RASA3: variants seen among roughly 807,000 people sequenced by gnomAD.
The protein encoded by RASA3 is ras GTPase-activating protein 3.
Under a neutral mutation model 110.0 loss-of-function variants are expected in RASA3, and 73 were observed. The ratio of observed to expected loss-of-function variants is 0.66; its 90% CI spans 0.55 to 0.81. RASA3 has a LOEUF of 0.81. Ranked by LOEUF, RASA3 falls within the 30% of genes least tolerant of loss-of-function variation. The pLI is 0.00. For synonymous variants in RASA3, 500 were observed against 451.4 expected (o/e 1.11, Z -1.37); for missense variants, 976 against 1,113.2 (o/e 0.88, Z 1.75).
At chr13:114,010,662 CG>C (rs2053613207) in intron 16 of RASA3, among the ~76,000 whole-genome samples, 4 of 24,232 alleles carry the variant, frequency 1.7e-4, no homozygotes, top group Admixed American at 6.5e-4. Context: ...GGGGAGGAGG[CG>C]GCTGCGTGGG....
At chr13:114,092,252 C>T (rs1268221919) in intron 1 of RASA3, among the ~76,000 whole-genome samples, 1 of 152,082 alleles carries the variant, frequency 6.6e-6, no homozygotes, top group Non-Finnish European at 1.5e-5. Flanking sequence ...TGGTGCATCA[C>T]TAGGTTGTTT....
At chr13:114,071,460 C>A (rs1478988044) in intron 2 of RASA3, among the ~76,000 whole-genome samples, 1 of 152,176 alleles carries the variant, frequency 6.6e-6, no homozygotes, top group South Asian at 2.1e-4. Flanking sequence ...TCCAGGCCCA[C>A]AATCCATAGG....
In RASA3 at chr13:114,115,801, G is replaced by A. The variant is rs1320188827; in HGVS notation, c.55+16634C>T. Among the ~76,000 whole-genome samples, 1 of 152,234 alleles carries A rather than the reference G, an allele frequency of 6.6e-6. No individual in the cohort carries two copies. Among genetic ancestry groups the A allele is most frequent in the Non-Finnish European group, 1.5e-5 (1 of 68,040 alleles). ...AGCCCCCACGCCTTCTCAGTCTCCT[G>A]TAACGACGTTGCTACAGATGTATGT... On this transcript the variant is annotated intron_variant, in intron 1 of 23. Coordinates refer to ENST00000334062, the MANE Select transcript of RASA3 (RefSeq NM_007368.4). This position sits in a 1 kb window ranked among gnomAD's most constrained non-coding sequence, Gnocchi z 5.0.
intron 2 of RASA3, 29 bp from the exon 3 acceptor site, chr13:114,052,184 G>T (rs9525355): frequency 0.17 from 259,178 of 1,515,236 alleles, 24,685 homozygotes; most frequent in Middle Eastern, 0.2. Flanking sequence ...GCGCCAGTTA[G>T]AACACAGGCC....
chr13:114,101,725 G>C (rs1427014442), intron 1 of RASA3, among the ~76,000 whole-genome samples: 1 of 152,224 alleles, frequency 6.6e-6, no homozygotes, highest in African/African-American at 2.4e-5. Context: ...CAGTGTCTAA[G>C]TGTCTCCCTT....
Position 114,065,645 on chromosome 13 carries a change from C to T in RASA3, c.173+8075G>A, listed in dbSNP as rs546789908. 1.3e-5 allele frequency among the ~76,000 whole-genome samples: 2 copies of T among 152,270 alleles called. No homozygotes were observed. The highest frequency in any genetic ancestry group is 1.9e-4 in the East Asian group (1 of 5,180). On this transcript the variant is annotated intron_variant, in intron 2 of 23. Coordinates refer to ENST00000334062, the MANE Select transcript of RASA3 (RefSeq NM_007368.4). The surrounding 1 kb of genome is among the most constrained non-coding windows in gnomAD (Gnocchi z 4.1). ...CCACACAGCCCTGGCTCCCACAGAC[C>T]GCAGGCTGGAGAATGGGGGTCCGCG...
At chr13:114,074,206 C>A (rs986470254) in intron 1 of RASA3, among the ~76,000 whole-genome samples, 1 of 152,228 alleles carries the variant, frequency 6.6e-6, no homozygotes, top group Non-Finnish European at 1.5e-5. Flanking sequence ...AGTTGTGCAA[C>A]CATCACCACC....
At chr13:114,064,056 CA>C (rs2079405298) in intron 2 of RASA3, among the ~76,000 whole-genome samples, 1 of 152,154 alleles carries the variant, frequency 6.6e-6, no homozygotes, top group African/African-American at 2.4e-5. Context: ...ACTTAAAAGA[CA>C]TATTATTTCA....
At chr13:114,034,628 G>A (rs187921652) in intron 4 of RASA3, among the ~76,000 whole-genome samples, 6 of 152,388 alleles carry the variant, frequency 3.9e-5, no homozygotes, top group African/African-American at 1.2e-4. Flanking sequence ...CCCCTGGAAG[G>A]CCCTTTCTCC....
intron 1 of RASA3, among the ~76,000 whole-genome samples, chr13:114,129,974 G>T (rs1051722083): frequency 1.6e-4 from 25 of 152,244 alleles, no homozygotes; most frequent in African/African-American, 6.0e-4. Context: ...AGCCAAGGTT[G>T]GCCATGAATG....
intron 16 of RASA3, among the ~76,000 whole-genome samples, chr13:114,010,864 G>A (rs2053623770): frequency 6.6e-6 from 1 of 151,838 alleles, no homozygotes; most frequent in Non-Finnish European, 1.5e-5. Context: ...GAGGCGCCAG[G>A]TTAGGCCATC....
At position 114,096,103 on chromosome 13, in the gene RASA3, C is replaced by T. The variant is rs1359490666; in HGVS notation, c.56-22266G>A. Among the ~76,000 whole-genome samples, 2 of 152,122 alleles carry T rather than the reference C, an allele frequency of 1.3e-5. No individual in the cohort carries two copies. The highest frequency in any genetic ancestry group is 4.8e-5 in the African/African-American group (2 of 41,420). On this transcript the variant is annotated intron_variant, in intron 1 of 23. Transcript: ENST00000334062. The surrounding 1 kb of genome is among the most constrained non-coding windows in gnomAD (Gnocchi z 5.1). ...GCTCTCCAGGTGGCCCTGGCGGCATCGGTGTGCTGGGAAGGGGGTGCTCTC... is the reference window on the plus strand; with the variant it reads ...GCTCTCCAGGTGGCCCTGGCGGCATTGGTGTGCTGGGAAGGGGGTGCTCTC...
intron 7 of RASA3, among the ~76,000 whole-genome samples, chr13:114,024,668 C>T (rs1205135167): frequency 6.6e-6 from 1 of 152,250 alleles, no homozygotes; most frequent in Non-Finnish European, 1.5e-5. Context: ...CCGTCACCTG[C>T]GCCTGCTCTG....
In RASA3 at chr13:114,096,836, C is replaced by G. The variant is rs2079951273; in HGVS notation, c.56-22999G>C. Among the ~76,000 whole-genome samples the G allele has an allele frequency of 6.6e-6, 1 of 152,180 alleles. No individual in the cohort carries two copies. The highest frequency in any genetic ancestry group is 1.5e-5 in the Non-Finnish European group (1 of 68,032). ...AACGTCCGTCTGTGTCCAGGCCGATCTCGCTGCTCCCTCGGACGTACTCGC... is the reference window on the plus strand; with the variant it reads ...AACGTCCGTCTGTGTCCAGGCCGATGTCGCTGCTCCCTCGGACGTACTCGC... On this transcript the variant is annotated intron_variant, in intron 1 of 23. Transcript: ENST00000334062. This position sits in a 1 kb window ranked among gnomAD's most constrained non-coding sequence, Gnocchi z 5.1.
rs541588821 is a variant in RASA3 at position 114,037,751 on chromosome 13, C to T, written c.372+3249G>A. Reference sequence around the variant, plus strand: ...GAGAGACACACACAGAAACACGTGCCTGTGAACTGGTGAAATCTGGATAAC... The same window carrying T: ...GAGAGACACACACAGAAACACGTGCTTGTGAACTGGTGAAATCTGGATAAC... On this transcript the variant is annotated intron_variant, in intron 4 of 23. Coordinates refer to ENST00000334062, the MANE Select transcript of RASA3 (RefSeq NM_007368.4). Among the ~76,000 whole-genome samples the T allele has an allele frequency of 1.4e-4, 22 of 152,324 alleles. 1 individual carries two copies. In the South Asian group the frequency reaches 3.9e-3, roughly 27 times the overall value.
intron 13 of RASA3, 48 bp from the exon 14 acceptor site, chr13:114,015,380 G>A (rs1389267685): frequency 1.9e-6 from 3 of 1,607,062 alleles, no homozygotes; most frequent in South Asian, 2.2e-5. Flanking sequence ...CTGCCCACAG[G>A]TGCGTGTAGC....
chr13:114,001,340 G>T (rs2053390553), intron 18 of RASA3, among the ~76,000 whole-genome samples: 1 of 150,654 alleles, frequency 6.6e-6, no homozygotes, highest in Non-Finnish European at 1.5e-5. Context: ...GATCAGGGTG[G>T]GCAGTGGACG....
In RASA3 at chr13:114,096,091, C is replaced by T. The variant is rs1437814386; in HGVS notation, c.56-22254G>A. On this transcript the variant is annotated intron_variant, in intron 1 of 23. Transcript: ENST00000334062. This position sits in a 1 kb window ranked among gnomAD's most constrained non-coding sequence, Gnocchi z 5.1. ...CCGGGAGGGGGTGCTCTCCAGGTGG[C>T]CCTGGCGGCATCGGTGTGCTGGGAA... Among the ~76,000 whole-genome samples the T allele has an allele frequency of 6.6e-6, 1 of 152,104 alleles. No homozygotes were observed. The highest frequency in any genetic ancestry group is 1.5e-5 in the Non-Finnish European group (1 of 68,020).
In RASA3 at chr13:114,065,843, C is replaced by G. The variant is rs1364245894; in HGVS notation, c.173+7877G>C. On this transcript the variant is annotated intron_variant, in intron 2 of 23. Transcript: ENST00000334062. This position sits in a 1 kb window ranked among gnomAD's most constrained non-coding sequence, Gnocchi z 4.1. ...CACTGGGTTGCAGCCTCCTGTGGTT[C>G]AAGATGGGTGGGGTTATTTTGAAAT... Among the ~76,000 whole-genome samples, 3 of 152,202 alleles carry G rather than the reference C, an allele frequency of 2.0e-5. No individual in the cohort carries two copies. Among genetic ancestry groups the G allele is most frequent in the Admixed American group, 1.3e-4 (2 of 15,282 alleles).
Sources: allele counts gnomAD v4.1 joint callset (sites outside exome capture counted in the v4.1 genomes callset), GRCh38; gene constraint gnomAD v4.1.1; non-coding constraint Gnocchi (gnomAD v3.1); transcripts MANE v1.5; gene names NCBI Gene and HGNC (gene_info 2026-07-23, HGNC 2026-07-21).